Variants in HSF1 observed in about 807,000 individuals in gnomAD.
HSF1 encodes heat shock transcription factor 1.
Under a neutral mutation model 51.7 loss-of-function variants are expected in HSF1, and 32 were observed. The ratio of observed to expected loss-of-function variants is 0.62; its 90% CI spans 0.47 to 0.83. The LOEUF is 0.83. Among genes scored for constraint, HSF1 ranks in the 40% least tolerant of loss-of-function variants. The pLI is 0.00. For synonymous variants in HSF1, 396 were observed against 309.7 expected, an observed-to-expected ratio of 1.28 and a Z score of -2.92; for missense variants, 727 against 717.0, an observed-to-expected ratio of 1.01 and a Z score of -0.16.
At chr8:144,305,466 A>AT (rs1471743499) in intron 1 of HSF1, among the ~76,000 whole-genome samples, 2 of 151,090 alleles carry the variant, frequency 1.3e-5, no homozygotes, top group South Asian at 2.1e-4. Flanking sequence ...TGCCCAACTA[A>AT]TTTTTTTTGT....
chr8:144,294,939 C>G (rs1321637553), intron 1 of HSF1, among the ~76,000 whole-genome samples: 1 of 152,224 alleles, frequency 6.6e-6, no homozygotes, highest in Non-Finnish European at 1.5e-5. Context: ...GTGGTCCTCC[C>G]TCAGCCAGCT....
intron 1 of HSF1, among the ~76,000 whole-genome samples, chr8:144,304,833 G>A (rs1554843009): frequency 1.3e-5 from 2 of 151,448 alleles, no homozygotes; most frequent in East Asian, 1.9e-4. Flanking sequence ...TAGTAGAGGC[G>A]GGGTTTCACC....
At chr8:144,299,675 C>A (rs187156852) in intron 1 of HSF1, among the ~76,000 whole-genome samples, 2 of 151,494 alleles carry the variant, frequency 1.3e-5, no homozygotes, top group African/African-American at 4.9e-5. Flanking sequence ...TCTGGGAGGC[C>A]GAGGCGGGTG....
chr8:144,312,680 T>A, intron 9 of HSF1: 1 of 1,535,456 alleles, frequency 6.5e-7, no homozygotes, highest in Non-Finnish European at 8.7e-7. Context: ...CCCCTGCCCC[T>A]CTTCCTCTCC....
rs558837909 is a variant in HSF1, at chr8:144,313,860, G to A, written c.1263G>A (p.Ser421=). ...TSALLDLFSP[S]VTVPDMSLPD... The stretch of plus-strand genomic sequence containing the variant: ...CTCCTCCGCAGCTGTTCAGCCCCTC[G>A]GTGACCGTGCCCGACATGAGCCTGC... The change falls in exon 11 of 13, where the codon TCG becomes TCA. Residue 421 remains serine, a synonymous_variant. Transcript: ENST00000528838. The A allele has an allele frequency of 5.0e-6, 8 of 1,592,994 alleles. No homozygotes were observed. The highest frequency in any genetic ancestry group is 1.5e-5 in the African/African-American group (1 of 68,596).
At position 144,298,598 on chromosome 8, in the gene HSF1, CA is replaced by C. The variant is rs369577549; in HGVS notation, c.117+6737del. ...CCAGCCACAGAGCGAGAAACTGTCT[CA>C]AAAAAAAAAAAAGAAAGAAAAGAAA... On this transcript the variant is annotated intron_variant, in intron 1 of 12. Coordinates refer to ENST00000528838, the MANE Select transcript of HSF1 (RefSeq NM_005526.4). Among the ~76,000 whole-genome samples the C allele has an allele frequency of 7.3e-4, 102 of 139,544 alleles. 1 individual carries two copies. Among genetic ancestry groups the C allele is most frequent in the South Asian group, 1.4e-3 (6 of 4,432 alleles). The allele number at this position is 139,544 out of a possible 152,430, so 91.5% of individuals were successfully genotyped here. A position where few individuals can be genotyped will look rare whatever the true frequency, so the allele number is the denominator to read the frequency against.
rs1554841553 is a variant in HSF1 at position 144,297,773 on chromosome 8, G to A, written c.117+5899G>A. On this transcript the variant is annotated intron_variant, in intron 1 of 12. Coordinates refer to ENST00000528838, the MANE Select transcript of HSF1 (RefSeq NM_005526.4). The surrounding 1 kb of genome is among the most constrained non-coding windows in gnomAD (Gnocchi z 4.6). Reference sequence around the variant, plus strand: ...CGGTCAGCAGATACAGCTTTGACTTGGCAGGAGGCTGGAACAAGAGGCTTG... The same window carrying A: ...CGGTCAGCAGATACAGCTTTGACTTAGCAGGAGGCTGGAACAAGAGGCTTG... Among the ~76,000 whole-genome samples the A allele has an allele frequency of 1.3e-5, 2 of 152,234 alleles. No homozygotes were observed. The highest frequency in any genetic ancestry group is 4.8e-5 in the African/African-American group (2 of 41,464).
In HSF1 at chr8:144,291,886, G is replaced by A. The variant is rs781997148; in HGVS notation, c.117+12G>A. On this transcript the variant is annotated intron_variant, in intron 1 of 12. Transcript: ENST00000528838. The surrounding 1 kb of genome is among the most constrained non-coding windows in gnomAD (Gnocchi z 4.1). ...TCTGCTGGAGCCCGGTGAGGGCAGC[G>A]CGCGGGCGCGGGGCCCGTGGGGACC... 2.7e-6 allele frequency: 4 copies of A among 1,457,588 alleles called. No individual in the cohort carries two copies. Among genetic ancestry groups the A allele is most frequent in the Non-Finnish European group, 3.6e-6 (4 of 1,096,390 alleles). 90.3% of individuals were successfully genotyped at this position (1,457,588 alleles called of 1,614,324 possible).
At chr8:144,313,649 C>CTCCCCGCA (rs1265425565) in intron 10 of HSF1, 33 bp downstream of exon 10, 1 of 267,924 alleles carries the variant, frequency 3.7e-6, no homozygotes. Context: ...GCCTCCCCGC[C>CTCCCCGCA]CCGCCTCCCC....
Position 144,297,341 on chromosome 8 carries a change from G to A in HSF1, c.117+5467G>A, listed in dbSNP as rs1394710832. ...GCCTCAGCCTCCTCCCTGTGACCCT[G>A]TGGGCCATGGTGAGCAGCAGTAGCC... On this transcript the variant is annotated intron_variant, in intron 1 of 12. Coordinates refer to ENST00000528838, the MANE Select transcript of HSF1 (RefSeq NM_005526.4). This position sits in a 1 kb window ranked among gnomAD's most constrained non-coding sequence, Gnocchi z 4.6. 2.0e-5 allele frequency among the ~76,000 whole-genome samples: 3 copies of A among 152,190 alleles called. No individual in the cohort carries two copies. Among genetic ancestry groups the A allele is most frequent in the Non-Finnish European group, 2.9e-5 (2 of 68,038 alleles).
Position 144,291,993 on chromosome 8 carries a change from C to T in HSF1, c.117+119C>T, listed in dbSNP as rs1011402720. On this transcript the variant is annotated intron_variant, in intron 1 of 12. Transcript: ENST00000528838. The surrounding 1 kb of genome is among the most constrained non-coding windows in gnomAD (Gnocchi z 4.1). ...CGCACTTCAGCTTACGCGCGGTGAG[C>T]CTGCCCTGCCCCCGCCAGAGAAGGG... is the stretch of plus-strand genomic sequence containing the variant. The T allele has an allele frequency of 3.5e-4, 170 of 482,732 alleles. No homozygotes were observed. The highest frequency in any genetic ancestry group is 5.3e-4 in the Non-Finnish European group (153 of 286,876). The allele number at this position is 482,732 out of a possible 1,614,324, so 29.9% of individuals were successfully genotyped here. A position where few individuals can be genotyped will look rare whatever the true frequency, so the allele number is the denominator to read the frequency against.
Position 144,313,631 on chromosome 8 carries a change from G to GCCGCCCCGCCGCCCCGCCGCC in HSF1, c.1248+25_1248+26insGCCCCGCCGCCCCGCCCCGCC, listed in dbSNP as rs782194710. On this transcript the variant is annotated intron_variant, in intron 10 of 12. Coordinates refer to ENST00000528838, the MANE Select transcript of HSF1 (RefSeq NM_005526.4). ...CCCTGCTGGACGTGAGTGGAGCCCCGCCGCCCCGCCTCCCCGCCCCGCCTC... is the reference window on the plus strand; with the variant it reads ...CCCTGCTGGACGTGAGTGGAGCCCCGCCGCCCCGCCGCCCCGCCGCCCCGCCCCGCCTCCCCGCCCCGCCTC... The GCCGCCCCGCCGCCCCGCCGCC allele has an allele frequency of 1.7e-6, 1 of 601,834 alleles. No homozygotes were observed. 37.3% of individuals were successfully genotyped at this position (601,834 alleles called of 1,614,324 possible). A position where few individuals can be genotyped will look rare whatever the true frequency, so the allele number is the denominator to read the frequency against.
intron 2 of HSF1, 155 bp downstream of exon 2, chr8:144,309,169 G>A (rs1816428981): frequency 5.8e-6 from 4 of 691,048 alleles, no homozygotes; most frequent in South Asian, 1.8e-5. Context: ...GGGAGCAGCC[G>A]CCTCTTCCAT....
At chr8:144,311,275 G>A (rs929463807) in intron 5 of HSF1, 26 bp downstream of exon 5, 10 of 1,611,152 alleles carry the variant, frequency 6.2e-6, no homozygotes, top group Admixed American at 3.4e-5. Flanking sequence ...GAGGGCCGGC[G>A]GGGGCCCCAC....
In HSF1 at chr8:144,314,641, C is replaced by G. The variant is rs149080079; in HGVS notation, c.*311C>G. 1.9e-3 allele frequency: 786 copies of G among 417,450 alleles called. 8 individuals carry two copies. The highest frequency in any genetic ancestry group is 0.014 in the African/African-American group (733 of 50,576). The allele number at this position is 417,450 out of a possible 1,614,324, so 25.9% of individuals were successfully genotyped here. On this transcript the variant is annotated 3_prime_UTR_variant, in exon 13 of 13. Transcript: ENST00000528838. ...TACACAACTGTCCCGTTCCCCGCTC[C>G]ACAGAGATACACAGATATATACACA...
chr8:144,308,814 T>G, intron 1 of HSF1, 92 bp from the exon 2 acceptor site: 1 of 1,024,304 alleles, frequency 9.8e-7, no homozygotes. Flanking sequence ...GTGCACTGCC[T>G]GCGTTTCAGA....
At chr8:144,303,643 C>T (rs782252674) in intron 1 of HSF1, among the ~76,000 whole-genome samples, 2 of 152,130 alleles carry the variant, frequency 1.3e-5, no homozygotes, top group African/African-American at 2.4e-5. Flanking sequence ...CTTGGGAAGC[C>T]AAGGTGGGTG....
At position 144,294,768 on chromosome 8, in the gene HSF1, C is replaced by G. The variant is rs187917646; in HGVS notation, c.117+2894C>G. On this transcript the variant is annotated intron_variant, in intron 1 of 12. Coordinates refer to ENST00000528838, the MANE Select transcript of HSF1 (RefSeq NM_005526.4). ...TGTGTTGTTTGATTTCCCACCCCCCCCTCCCAAGACCCTCATTCCCATGAG... is the reference window on the plus strand; with the variant it reads ...TGTGTTGTTTGATTTCCCACCCCCCGCTCCCAAGACCCTCATTCCCATGAG... Among the ~76,000 whole-genome samples the G allele has an allele frequency of 1.2e-4, 18 of 152,268 alleles. No homozygotes were observed. In the East Asian group the frequency reaches 1.9e-3, roughly 16 times the overall value.
At position 144,311,312 on chromosome 8, in the gene HSF1, T is replaced by C. The variant is rs372315833; in HGVS notation, c.565-9T>C. 4.3e-6 allele frequency: 7 copies of C among 1,613,872 alleles called. No individual in the cohort carries two copies. In the African/African-American group the frequency reaches 8.0e-5, roughly 18 times the overall value. On this transcript the variant is annotated splice_polypyrimidine_tract_variant and intron_variant, in intron 5 of 12. Transcript: ENST00000528838. Reference sequence around the variant, plus strand: ...AGGGCCGGGGTAACTGTGTCCTCTCTCTCCACAGCTCATTCAGTTCCTGAT... The same window carrying C: ...AGGGCCGGGGTAACTGTGTCCTCTCCCTCCACAGCTCATTCAGTTCCTGAT...
Sources: gnomAD v4.1 joint callset for allele counts (sites outside exome capture counted in the v4.1 genomes callset) on GRCh38, gnomAD v4.1.1 for gene constraint, Gnocchi (gnomAD v3.1) non-coding constraint, MANE v1.5 for transcripts, NCBI Gene and HGNC (gene_info 2026-07-23, HGNC 2026-07-21) for gene names.